PAK3: variants seen among roughly 807,000 people sequenced by gnomAD.
PAK3 encodes the protein p21 (RAC1) activated kinase 3.
A neutral mutation model predicts 41.0 loss-of-function variants in PAK3; 4 were observed. The ratio of observed to expected loss-of-function variants is 0.10; its 90% CI spans 0.05 to 0.22. The LOEUF is 0.22. PAK3 is among the 10% of genes least tolerant of loss of function. The pLI, the probability that PAK3 is intolerant of heterozygous loss-of-function variation, is 1.00. For missense variants in PAK3, 205 were observed against 409.9 expected, an observed-to-expected ratio of 0.50 and a Z score of 4.32; for synonymous variants, 146 against 139.6, an observed-to-expected ratio of 1.05 and a Z score of -0.32.
At chrX:111,007,900 G>A (rs1374307308) in intron 1 of PAK3, among the ~76,000 whole-genome samples, 1 of 111,776 alleles carries the variant, frequency 8.9e-6, no homozygotes, top group Non-Finnish European at 1.9e-5. Flanking sequence ...AAAGGCCCTG[G>A]AGTTGGTCAG....
intron 1 of PAK3, among the ~76,000 whole-genome samples, chrX:111,023,124 G>A (rs752534903): frequency 2.7e-5 from 3 of 111,100 alleles, no homozygotes; most frequent in South Asian, 7.8e-4. Flanking sequence ...TCCCACTTAT[G>A]AGTGAGAACA....
intron 1 of PAK3, among the ~76,000 whole-genome samples, chrX:110,950,998 G>A (rs1181289972): frequency 9.0e-6 from 1 of 111,221 alleles, no homozygotes. Flanking sequence ...CAATGTGAAG[G>A]CTGAAAAAAA....
intron 8 of PAK3, among the ~76,000 whole-genome samples, chrX:111,162,457 T>C (rs1348314355): frequency 1.8e-5 from 2 of 111,335 alleles, no homozygotes; most frequent in Non-Finnish European, 3.8e-5. Context: ...TACAGAGCTA[T>C]ATTAATACCA....
At chrX:111,007,216 C>A (rs2091945588) in intron 1 of PAK3, among the ~76,000 whole-genome samples, 1 of 110,810 alleles carries the variant, frequency 9.0e-6, no homozygotes, top group Non-Finnish European at 1.9e-5. Context: ...TCATCTTGAC[C>A]CCTTGACCAT....
At chrX:111,165,020 A>G (rs2094237949) in intron 10 of PAK3, among the ~76,000 whole-genome samples, 1 of 111,485 alleles carries the variant, frequency 9.0e-6, no homozygotes, top group African/African-American at 3.3e-5. Context: ...CCTGATTCAG[A>G]GACTGCTAGT....
chrX:111,103,487 C>T (rs1250616540), intron 4 of PAK3, among the ~76,000 whole-genome samples, 181 bp downstream of exon 4: 1 of 112,399 alleles, frequency 8.9e-6, no homozygotes, highest in Non-Finnish European at 1.9e-5. Flanking sequence ...TCTTGCCTCC[C>T]TCCCATCTCT....
At chrX:111,068,805 T>C (rs1000111010) in intron 1 of PAK3, among the ~76,000 whole-genome samples, 1 of 113,009 alleles carries the variant, frequency 8.8e-6, no homozygotes, top group South Asian at 3.6e-4. Flanking sequence ...GCAATATCAA[T>C]TTAAGTTCAT....
At chrX:111,047,852 T>C (rs1008268055) in intron 1 of PAK3, among the ~76,000 whole-genome samples, 2 of 112,023 alleles carry the variant, frequency 1.8e-5, no homozygotes, top group African/African-American at 6.5e-5. Context: ...TATCTCTTTC[T>C]CTTCTGCATC....
intron 4 of PAK3, among the ~76,000 whole-genome samples, chrX:111,119,428 A>G (rs2093528800): frequency 8.9e-6 from 1 of 112,294 alleles, no homozygotes; most frequent in African/African-American, 3.2e-5. Flanking sequence ...CTGTGGCTAT[A>G]TCTAATGTGC....
chrX:111,034,900 A>C (rs1249742155), intron 1 of PAK3, among the ~76,000 whole-genome samples: 1 of 109,446 alleles, frequency 9.1e-6, no homozygotes. Flanking sequence ...CAGGAGTTCA[A>C]GACCAGCCTA....
At chrX:110,999,350 C>T (rs1452659038) in intron 1 of PAK3, among the ~76,000 whole-genome samples, 3 of 111,936 alleles carry the variant, frequency 2.7e-5, no homozygotes, top group African/African-American at 9.7e-5. Context: ...GCACAATCCC[C>T]ACAATTTAAG....
intron 1 of PAK3, among the ~76,000 whole-genome samples, chrX:111,013,452 A>AT (rs2092040953): frequency 1.8e-5 from 2 of 110,515 alleles, no homozygotes; most frequent in Non-Finnish European, 3.8e-5. Context: ...GCCTAACTCA[A>AT]TTTCTGTTTT....
chrX:110,964,548 G>T (rs1473196659), intron 1 of PAK3, among the ~76,000 whole-genome samples: 4 of 112,106 alleles, frequency 3.6e-5, no homozygotes, highest in African/African-American at 1.3e-4. Flanking sequence ...AGACTGCACT[G>T]CACAACTCCA....
chrX:111,133,961 A>G (rs1467048463), intron 5 of PAK3, among the ~76,000 whole-genome samples: 1 of 111,914 alleles, frequency 8.9e-6, no homozygotes, highest in East Asian at 2.8e-4. Flanking sequence ...TCTGTTTTCA[A>G]GAAGCTAGAA....
intron 1 of PAK3, among the ~76,000 whole-genome samples, chrX:110,951,787 C>A (rs902842213): frequency 1.8e-5 from 2 of 112,572 alleles, no homozygotes; most frequent in African/African-American, 6.5e-5. Flanking sequence ...TTAAATCACT[C>A]TAAATTCACT....
intron 1 of PAK3, among the ~76,000 whole-genome samples, chrX:110,946,077 G>A (rs2090613089): frequency 9.0e-6 from 1 of 111,601 alleles, no homozygotes; most frequent in African/African-American, 3.3e-5. Context: ...CAAGGGGCAG[G>A]CAGGGTATTG....
intron 1 of PAK3, among the ~76,000 whole-genome samples, chrX:110,976,115 C>A (rs2091323141): frequency 9.1e-6 from 1 of 109,977 alleles, no homozygotes; most frequent in Non-Finnish European, 1.9e-5. Flanking sequence ...CAAATGAGAT[C>A]TAATTAAACT....
At chrX:110,973,697 C>G (rs2091261604) in intron 1 of PAK3, among the ~76,000 whole-genome samples, 1 of 111,935 alleles carries the variant, frequency 8.9e-6, no homozygotes, top group Admixed American at 9.4e-5. Flanking sequence ...ATGACAGGAT[C>G]AAATTCACAC....
chrX:110,960,061 C>A (rs2090947192), intron 1 of PAK3, among the ~76,000 whole-genome samples: 1 of 111,939 alleles, frequency 8.9e-6, no homozygotes, highest in Non-Finnish European at 1.9e-5. Context: ...CCTCTCCAAC[C>A]TAAGTCCTGC....
Sources: allele counts gnomAD v4.1 joint callset (sites outside exome capture counted in the v4.1 genomes callset), GRCh38; gene constraint gnomAD v4.1.1; transcripts MANE v1.5; gene names NCBI Gene and HGNC (gene_info 2026-07-23, HGNC 2026-07-21).